Variants in SCML4 observed in about 807,000 individuals in gnomAD.
The protein encoded by SCML4 is sex comb on midleg-like protein 4.
In SCML4, 34 loss-of-function variants were observed where a neutral mutation model predicts 41.1. The ratio of observed to expected loss-of-function variants is 0.83; its 90% CI spans 0.63 to 1.10. The LOEUF is 1.10. Ranked by LOEUF, SCML4 falls within the 50% of genes least tolerant of loss-of-function variation. The probability of loss-of-function intolerance (pLI) is 0.00; values close to 1 mark genes in which losing one functional copy is unlikely to be tolerated. For missense variants in SCML4, 522 were observed against 534.1 expected, an observed-to-expected ratio of 0.98 and a Z score of 0.22; for synonymous variants, 214 against 220.9, an observed-to-expected ratio of 0.97 and a Z score of 0.28.
rs117506590 is a variant in SCML4, at chr6:107,738,107, G to A, written c.682+6842C>T. ...CTCAAAGGCAACAACAATTTTCCCC[G>A]TGGTCATCTCATGACTTCTGACAGA... On this transcript the variant is annotated intron_variant, in intron 5 of 7. Coordinates refer to ENST00000369020, the MANE Select transcript of SCML4 (RefSeq NM_198081.5). Among the ~76,000 whole-genome samples the A allele has an allele frequency of 4.0e-3, 611 of 152,178 alleles. 6 individuals are homozygous for A. The East Asian group carries it at 0.052, about 13-fold the overall frequency.
chr6:107,770,166 G>C (rs1780405418), intron 2 of SCML4, among the ~76,000 whole-genome samples: 2 of 152,128 alleles, frequency 1.3e-5, no homozygotes, highest in South Asian at 4.2e-4. Flanking sequence ...AATAAAACTG[G>C]GGAGATTAAT....
the SCML4 span, among the ~76,000 whole-genome samples, chr6:107,837,693 T>C: frequency 2.0e-5 from 3 of 152,114 alleles, no homozygotes; most frequent in South Asian, 6.2e-4. Context: ...TGTGGAAAGC[T>C]ATTTTCCCTA....
At chr6:107,808,016 C>G (rs1456499449) in intron 1 of SCML4, among the ~76,000 whole-genome samples, 1 of 152,224 alleles carries the variant, frequency 6.6e-6, no homozygotes, top group African/African-American at 2.4e-5. Flanking sequence ...TGTTCTAAAT[C>G]ACATTAGCCT....
At chr6:107,832,793 C>T in the SCML4 span, among the ~76,000 whole-genome samples, 2 of 152,156 alleles carry the variant, frequency 1.3e-5, no homozygotes, top group African/African-American at 2.4e-5. Flanking sequence ...CCGTAGGGAG[C>T]GGTAGAGGAT....
intron 2 of SCML4, among the ~76,000 whole-genome samples, chr6:107,757,499 C>A (rs1779212514): frequency 1.3e-5 from 2 of 152,194 alleles, no homozygotes; most frequent in South Asian, 4.1e-4. Context: ...GGTAAGCCAA[C>A]AAAGCAAGAT....
chr6:107,830,119 A>G, the SCML4 span, among the ~76,000 whole-genome samples: 64,879 of 151,724 alleles, frequency 0.43, 16,496 homozygotes, highest in East Asian at 0.73. Flanking sequence ...GGGCCTCTGA[A>G]GTCAGCAGGG....
chr6:107,744,492 A>T (rs374485810), intron 5 of SCML4, among the ~76,000 whole-genome samples: 9 of 152,272 alleles, frequency 5.9e-5, no homozygotes, highest in East Asian at 5.8e-4. Context: ...TTTAATTCAC[A>T]TGGGTAGGTG....
Position 107,813,423 on chromosome 6 carries a change from TAAAA to T in SCML4, c.-60+10699_-60+10702del, listed in dbSNP as rs1403481427. 5.1e-3 allele frequency among the ~76,000 whole-genome samples: 53 copies of T among 10,470 alleles called. 1 individual carries two copies. Among genetic ancestry groups the T allele is most frequent in the Non-Finnish European group, 1.0e-2 (40 of 4,006 alleles). 6.9% of individuals were successfully genotyped at this position (10,470 alleles called of 152,430 possible). Reference sequence around the variant, plus strand: ...ATATATATATATATATATATATATATAAAACTGTAAAATTAAATACATATTAAAA... The same window carrying T: ...ATATATATATATATATATATATATATCTGTAAAATTAAATACATATTAAAA... On this transcript the variant is annotated intron_variant, in intron 1 of 7. Coordinates refer to ENST00000369020, the MANE Select transcript of SCML4 (RefSeq NM_198081.5).
intron 5 of SCML4, among the ~76,000 whole-genome samples, chr6:107,736,540 G>A (rs1000674483): frequency 2.0e-5 from 3 of 152,202 alleles, no homozygotes; most frequent in Non-Finnish European, 4.4e-5. Context: ...CCTGGGCCCT[G>A]TGCGCCTCGC....
intron 1 of SCML4, among the ~76,000 whole-genome samples, chr6:107,822,676 G>A (rs189357027): frequency 4.0e-5 from 6 of 151,764 alleles, no homozygotes; most frequent in East Asian, 3.9e-4. Context: ...GCTCATCTAC[G>A]TACACAATTT....
chr6:107,708,734 A>G (rs1773935058), intron 6 of SCML4, among the ~76,000 whole-genome samples: 1 of 152,130 alleles, frequency 6.6e-6, no homozygotes, highest in Non-Finnish European at 1.5e-5. Context: ...CCTAACCTAT[A>G]TCTGGTCCAT....
intron 6 of SCML4, among the ~76,000 whole-genome samples, chr6:107,711,475 C>G (rs1774209350): frequency 6.6e-6 from 1 of 152,232 alleles, no homozygotes; most frequent in African/African-American, 2.4e-5. Flanking sequence ...GGCTGTACCA[C>G]ACCGCCTAGG....
chr6:107,772,033 A>G, intron 2 of SCML4, 139 bp downstream of exon 2: 1 of 668,598 alleles, frequency 1.5e-6, no homozygotes, highest in Non-Finnish European at 2.4e-6. Context: ...TCCGTCACAT[A>G]CTTCACCGAG....
At chr6:107,728,668 G>A (rs1446607835) in intron 5 of SCML4, among the ~76,000 whole-genome samples, 1 of 152,260 alleles carries the variant, frequency 6.6e-6, no homozygotes, top group East Asian at 1.9e-4. Flanking sequence ...TGAGATCAAA[G>A]GTAATAAAAG....
At chr6:107,781,915 A>G (rs1781529623) in intron 1 of SCML4, among the ~76,000 whole-genome samples, 1 of 152,132 alleles carries the variant, frequency 6.6e-6, no homozygotes, top group South Asian at 2.1e-4. Flanking sequence ...AGGTCCTAGT[A>G]ATGGGCCCTC....
the SCML4 span, among the ~76,000 whole-genome samples, chr6:107,839,368 G>GAAAGAAAGAAAGAAA: frequency 3.4e-4 from 18 of 52,546 alleles, no homozygotes; most frequent in African/African-American, 6.2e-4. Flanking sequence ...AAAGAAAGAA[G>GAAAGAAAGAAAGAAA]GAAAGAAAGA....
At chr6:107,802,354 A>G (rs575035111) in intron 1 of SCML4, among the ~76,000 whole-genome samples, 19 of 152,280 alleles carry the variant, frequency 1.2e-4, no homozygotes, top group Admixed American at 5.2e-4. Flanking sequence ...AGAGACTTCA[A>G]GGAACTTAAA....
At chr6:107,741,128 A>T (rs1013478986) in intron 5 of SCML4, among the ~76,000 whole-genome samples, 1 of 152,212 alleles carries the variant, frequency 6.6e-6, no homozygotes, top group African/African-American at 2.4e-5. Context: ...CATAGAAGCA[A>T]GCTGGCTTCA....
At chr6:107,795,007 C>T (rs1484628476) in intron 1 of SCML4, among the ~76,000 whole-genome samples, 1 of 152,164 alleles carries the variant, frequency 6.6e-6, no homozygotes, top group Non-Finnish European at 1.5e-5. Context: ...TTACAGCCCA[C>T]CTTAATTTAT....
Sources: allele counts gnomAD v4.1 joint callset (sites outside exome capture counted in the v4.1 genomes callset), GRCh38; gene constraint gnomAD v4.1.1; transcripts MANE v1.5; gene names NCBI Gene and HGNC (gene_info 2026-07-23, HGNC 2026-07-21).